The following NEK5 variants were observed in gnomAD, a reference collection of about 807,000 sequenced individuals.
The protein encoded by NEK5 is NIMA related kinase 5.
Under a neutral mutation model 109.2 loss-of-function variants are expected in NEK5, and 88 were observed. The observed-to-expected ratio is 0.81, with a 90% CI of 0.68 to 0.96. The LOEUF (loss-of-function observed/expected upper bound fraction) is 0.96. Among genes scored for constraint, NEK5 ranks in the 40% least tolerant of loss-of-function variants. NEK5 has a pLI of 0.00. For synonymous variants in NEK5, 283 were observed against 299.9 expected (o/e 0.94, Z 0.58); for missense variants, 834 against 920.7 (o/e 0.91, Z 1.22).
chr13:52,076,823 C>T (rs767779645), intron 17 of NEK5, among the ~76,000 whole-genome samples: 4 of 152,218 alleles, frequency 2.6e-5, no homozygotes, highest in Non-Finnish European at 5.9e-5. Context: ...CACAAATTCA[C>T]ACTGAGCACT....
chr13:52,086,477 AT>A (rs2137894081), intron 15 of NEK5, 114 bp from the exon 16 acceptor site: 1 of 700,056 alleles, frequency 1.4e-6, no homozygotes, highest in African/African-American at 1.8e-5. Context: ...GGTTAGAAAA[AT>A]ATGTTGCTCC....
At chr13:52,106,119 C>T (rs1043046936) in intron 8 of NEK5, among the ~76,000 whole-genome samples, 4 of 152,076 alleles carry the variant, frequency 2.6e-5, no homozygotes, top group Non-Finnish European at 5.9e-5. Context: ...TCCAACACAC[C>T]CTACCTGAAT....
chr13:52,081,501 T>C (rs1448808195), intron 17 of NEK5, among the ~76,000 whole-genome samples: 1 of 152,192 alleles, frequency 6.6e-6, no homozygotes. Context: ...GATGGCTTTT[T>C]TGTTTGAAGA....
rs1033320559 is a variant in NEK5 at position 52,054,962 on chromosome 13, A to G, written c.2111-4741T>C. 1.5e-3 allele frequency among the ~76,000 whole-genome samples: 225 copies of G among 150,960 alleles called. 2 individuals are homozygous for G. The East Asian group carries it at 0.035, about 23-fold the overall frequency. On this transcript the variant is annotated intron_variant, in intron 22 of 23. Transcript: ENST00000684899. Reference sequence around the variant, plus strand: ...AAGCTGGACGGAGAATGACTTTGACAAGCTGAGAGAAGAAGGCTTCAGACG... The same window carrying G: ...AAGCTGGACGGAGAATGACTTTGACGAGCTGAGAGAAGAAGGCTTCAGACG...
intron 19 of NEK5, among the ~76,000 whole-genome samples, chr13:52,072,748 T>C (rs1954804318): frequency 6.6e-6 from 1 of 152,174 alleles, no homozygotes; most frequent in South Asian, 2.1e-4. Context: ...CTCATAAAAA[T>C]AAGAAATGCT....
At chr13:52,100,837 G>C (rs1955514275) in intron 11 of NEK5, among the ~76,000 whole-genome samples, 2 of 152,176 alleles carry the variant, frequency 1.3e-5, no homozygotes, top group Non-Finnish European at 2.9e-5. Flanking sequence ...AACAATGTTA[G>C]TCAAATTAAA....
intron 22 of NEK5, among the ~76,000 whole-genome samples, chr13:52,056,264 G>A (rs1954554352): frequency 6.6e-6 from 1 of 151,944 alleles, no homozygotes; most frequent in East Asian, 1.9e-4. Context: ...AAATATATAT[G>A]CACCCAATAC....
chr13:52,036,271 G>T lies in NEK5; in HGVS notation c.*677C>A, dbSNP rs1954360923. 1 of 152,164 alleles carries T rather than the reference G, an allele frequency of 6.6e-6. No homozygotes were observed. Among genetic ancestry groups the T allele is most frequent in the South Asian group, 2.1e-4 (1 of 4,834 alleles). 9.4% of individuals were successfully genotyped at this position (152,164 alleles called of 1,614,324 possible). A position where few individuals can be genotyped will look rare whatever the true frequency, so the allele number is the denominator to read the frequency against. ...CTCTTCCACTTGTAAGGACCCTTGT[G>T]ATTACACTGCACCCAGGTGGATAAA... On this transcript the variant is annotated 3_prime_UTR_variant, in exon 24 of 24. Transcript: ENST00000684899.
chr13:52,035,488 G>A lies in NEK5; in HGVS notation c.*1460C>T, dbSNP rs1240305451. ...AATGTAACCACCCTCTCCTTCCTAA[G>A]CCCAGACATACTCCTTAGTATTTAA... is the stretch of plus-strand genomic sequence containing the variant. On this transcript the variant is annotated 3_prime_UTR_variant, in exon 24 of 24. Transcript: ENST00000684899. The A allele has an allele frequency of 2.0e-5, 3 of 152,056 alleles. No individual in the cohort carries two copies. Among genetic ancestry groups the A allele is most frequent in the Non-Finnish European group, 4.4e-5 (3 of 68,026 alleles). 9.4% of individuals were successfully genotyped at this position (152,056 alleles called of 1,614,324 possible).
At chr13:52,070,008 C>T (rs944082907) in intron 20 of NEK5, among the ~76,000 whole-genome samples, 1 of 152,186 alleles carries the variant, frequency 6.6e-6, no homozygotes, top group African/African-American at 2.4e-5. Flanking sequence ...TCTTTGAGCT[C>T]CCTACCAGTG....
intron 17 of NEK5, among the ~76,000 whole-genome samples, chr13:52,079,186 G>C (rs763582422): frequency 6.0e-5 from 9 of 149,268 alleles, no homozygotes; most frequent in Non-Finnish European, 8.9e-5. Flanking sequence ...AGAGAAGAGA[G>C]GGAAGGGATA....
intron 17 of NEK5, among the ~76,000 whole-genome samples, chr13:52,078,393 T>C (rs1335533763): frequency 6.6e-6 from 1 of 152,008 alleles, no homozygotes; most frequent in Non-Finnish European, 1.5e-5. Flanking sequence ...CGTGATTGCA[T>C]GGGGATGAGA....
chr13:52,090,931 C>T (rs1388149268), intron 13 of NEK5, among the ~76,000 whole-genome samples: 1 of 151,850 alleles, frequency 6.6e-6, no homozygotes, highest in Non-Finnish European at 1.5e-5. Flanking sequence ...GAGACTGAGG[C>T]AGGAGAATGG....
chr13:52,050,611 CTTT>C (rs33996599), intron 22 of NEK5, among the ~76,000 whole-genome samples: 2 of 134,824 alleles, frequency 1.5e-5, no homozygotes, highest in Admixed American at 7.4e-5. Context: ...ACACCTTCAT[CTTT>C]TTTTTTTTTT....
rs559414657 is a variant in NEK5 at position 52,081,785 on chromosome 13, T to C, written c.1572+1475A>G. Among the ~76,000 whole-genome samples, 10 of 152,328 alleles carry C rather than the reference T, an allele frequency of 6.6e-5. No individual in the cohort carries two copies. The East Asian group carries it at 1.9e-3, about 29-fold the overall frequency. Reference sequence around the variant, plus strand: ...TTCCAGTGGTTTATTTTTAATTACCTGACTTATTAAAAACTTTAAGGCACT... The same window carrying C: ...TTCCAGTGGTTTATTTTTAATTACCCGACTTATTAAAAACTTTAAGGCACT... On this transcript the variant is annotated intron_variant, in intron 17 of 23. Transcript: ENST00000684899.
intron 17 of NEK5, among the ~76,000 whole-genome samples, chr13:52,076,524 G>A (rs1281964322): frequency 6.6e-6 from 1 of 152,160 alleles, no homozygotes; most frequent in African/African-American, 2.4e-5. Flanking sequence ...AAATTGGTAG[G>A]CAATTTCAAG....
rs376433009 is a variant in NEK5, at chr13:52,099,887, C to T, written c.893-11G>A. The T allele has an allele frequency of 1.2e-6, 2 of 1,606,172 alleles. No homozygotes were observed. Among genetic ancestry groups the T allele is most frequent in the Non-Finnish European group, 1.7e-6 (2 of 1,174,766 alleles). On this transcript the variant is annotated splice_polypyrimidine_tract_variant and intron_variant, in intron 11 of 23. Transcript: ENST00000684899. ...TTTGTATTTTACACTCTTAATTAAC[C>T]AAAATAAAACAGCTTCAATTTTTTA...
At chr13:52,065,076 C>T in intron 21 of NEK5, 1 of 245,542 alleles carries the variant, frequency 4.1e-6, no homozygotes, top group Non-Finnish European at 8.1e-6. Flanking sequence ...TCCTATGACC[C>T]TGCCAAATCC....
intron 3 of NEK5, among the ~76,000 whole-genome samples, chr13:52,120,532 T>G (rs146756585): frequency 6.6e-6 from 1 of 151,440 alleles, no homozygotes; most frequent in Non-Finnish European, 1.5e-5. Flanking sequence ...AGTACAAGAA[T>G]AGTCAACTCG....
Sources: gnomAD v4.1 joint callset for allele counts (sites outside exome capture counted in the v4.1 genomes callset) on GRCh38, gnomAD v4.1.1 for gene constraint, MANE v1.5 for transcripts, NCBI Gene and HGNC (gene_info 2026-07-23, HGNC 2026-07-21) for gene names.